Variants in NAALADL2 observed in about 807,000 individuals in gnomAD.
NAALADL2 encodes the protein N-acetylated alpha-linked acidic dipeptidase like 2.
In NAALADL2, 76 loss-of-function variants were observed where a neutral mutation model predicts 87.2. The ratio of observed to expected loss-of-function variants is 0.87; its 90% CI spans 0.72 to 1.05. The LOEUF is 1.05. Among genes scored for constraint, NAALADL2 ranks in the 50% least tolerant of loss-of-function variants. The pLI is 0.00. For synonymous variants in NAALADL2, 354 were observed against 331.0 expected (o/e 1.07, Z -0.75); for missense variants, 1,089 against 945.8 (o/e 1.15, Z -1.99).
chr3:175,680,215 C>T (rs1227451064), intron 11 of NAALADL2, among the ~76,000 whole-genome samples: 1 of 152,152 alleles, frequency 6.6e-6, no homozygotes, highest in African/African-American at 2.4e-5. Context: ...CATTGTTACA[C>T]ATAAAAATAT....
At chr3:175,680,656 T>G (rs577876452) in intron 11 of NAALADL2, among the ~76,000 whole-genome samples, 2 of 152,278 alleles carry the variant, frequency 1.3e-5, no homozygotes, top group South Asian at 2.1e-4. Flanking sequence ...AAACTGAAGT[T>G]AAAAAGGGCT....
chr3:174,783,218 T>C (rs562041210), intron 3 of NAALADL2, among the ~76,000 whole-genome samples: 126 of 152,158 alleles, frequency 8.3e-4, no homozygotes, highest in Non-Finnish European at 1.1e-3. Context: ...ATGGAAAATA[T>C]AGTTTGTGTG....
chr3:174,902,845 A>G (rs1276951292), intron 1 of NAALADL2, among the ~76,000 whole-genome samples: 1 of 152,122 alleles, frequency 6.6e-6, no homozygotes, highest in Non-Finnish European at 1.5e-5. Context: ...GCTTCTGAGA[A>G]ATACATGCTT....
chr3:175,423,698 C>CT (rs1716274230), intron 5 of NAALADL2, among the ~76,000 whole-genome samples: 1 of 152,112 alleles, frequency 6.6e-6, no homozygotes, highest in Non-Finnish European at 1.5e-5. Flanking sequence ...CAAGTCTTTG[C>CT]TATTGTGAAT....
rs566200934 is a variant in NAALADL2, at chr3:174,726,607, C to T, written c.-114-11034C>T. 1.1e-4 allele frequency among the ~76,000 whole-genome samples: 17 copies of T among 152,256 alleles called. No individual in the cohort carries two copies. The South Asian group carries it at 1.5e-3, about 13-fold the overall frequency. The stretch of plus-strand genomic sequence containing the variant: ...CATAGTACTTGGCTTCTTTGCAACA[C>T]TAGATACTATTCTTTCCATCTATTA... On this transcript the variant is annotated intron_variant, in intron 2 of 3. Transcript: ENST00000434257.
intron 10 of NAALADL2, among the ~76,000 whole-genome samples, chr3:175,619,268 G>A (rs868576335): frequency 2.8e-5 from 1 of 35,912 alleles, no homozygotes; most frequent in African/African-American, 1.3e-4. Context: ...AGGAAGGAAG[G>A]AGAAGGAAAG....
chr3:175,477,472 A>G (rs1725851516), intron 9 of NAALADL2, among the ~76,000 whole-genome samples: 2 of 152,046 alleles, frequency 1.3e-5, no homozygotes, highest in Middle Eastern at 3.2e-3. Flanking sequence ...ACACCTGCAT[A>G]TTTTACTTTT....
chr3:175,070,106 T>C (rs1192078780), intron 1 of NAALADL2, among the ~76,000 whole-genome samples: 1 of 150,860 alleles, frequency 6.6e-6, no homozygotes, highest in Non-Finnish European at 1.5e-5. Context: ...GGCACATGTA[T>C]ACATATGTAA....
At position 175,697,822 on chromosome 3, in the gene NAALADL2, CAT is replaced by C. The variant is rs1491587198; in HGVS notation, c.1897-39477_1897-39476del. 3.7e-4 allele frequency among the ~76,000 whole-genome samples: 35 copies of C among 95,008 alleles called. 2 individuals are homozygous for C. Among genetic ancestry groups the C allele is most frequent in the African/African-American group, 8.3e-4 (21 of 25,426 alleles). The allele number at this position is 95,008 out of a possible 152,430, so 62.3% of individuals were successfully genotyped here. A position where few individuals can be genotyped will look rare whatever the true frequency, so the allele number is the denominator to read the frequency against. ...ATGTATATATATTTATGTATGTATA[CAT>C]ATATATGTGTATTTATGTATACATA... On this transcript the variant is annotated intron_variant, in intron 11 of 13. Coordinates refer to ENST00000454872, the MANE Select transcript of NAALADL2 (RefSeq NM_207015.3).
chr3:175,129,436 TA>T (rs749167027), intron 2 of NAALADL2, among the ~76,000 whole-genome samples: 23 of 152,172 alleles, frequency 1.5e-4, no homozygotes, highest in Non-Finnish European at 2.9e-4. Flanking sequence ...ATCTTTTAAC[TA>T]AAAACTTTGT....
At chr3:174,811,169 T>C (rs1720149443) in intron 3 of NAALADL2, among the ~76,000 whole-genome samples, 1 of 151,758 alleles carries the variant, frequency 6.6e-6, no homozygotes, top group East Asian at 1.9e-4. Flanking sequence ...ACTAGGCCAG[T>C]ACAGAAGGGA....
intron 1 of NAALADL2, among the ~76,000 whole-genome samples, chr3:174,988,797 C>A (rs537337590): frequency 2.6e-5 from 4 of 152,238 alleles, no homozygotes; most frequent in East Asian, 3.9e-4. Flanking sequence ...TGCAGTATGA[C>A]CTCATCTTAA....
chr3:175,059,710 A>G, intron 1 of NAALADL2: 1 of 309,666 alleles, frequency 3.2e-6, no homozygotes, highest in South Asian at 3.5e-5. Context: ...CCTCCTCCTT[A>G]TCAGATCCAA....
chr3:175,654,210 C>G (rs1241562114), intron 11 of NAALADL2, among the ~76,000 whole-genome samples: 1 of 152,146 alleles, frequency 6.6e-6, no homozygotes, highest in Admixed American at 6.5e-5. Context: ...TGTTGCTTCT[C>G]TTCCTTACTA....
At chr3:174,525,273 G>A (rs2108425305) in intron 1 of NAALADL2, among the ~76,000 whole-genome samples, 1 of 152,322 alleles carries the variant, frequency 6.6e-6, no homozygotes, top group South Asian at 2.1e-4. Flanking sequence ...ATAAAGGAAT[G>A]CCTGAAGCTA....
rs1373290191 is a variant in NAALADL2, at chr3:175,521,327, AT to A, written c.1653+49571del. ...CTTTGGAATGAATCTTGTAGTTAAT[AT>A]TAATTTGTATATTTCTACAGTTCTC... On this transcript the variant is annotated intron_variant, in intron 9 of 13. Transcript: ENST00000454872. 2.6e-5 allele frequency among the ~76,000 whole-genome samples: 4 copies of A among 152,172 alleles called. No homozygotes were observed. In the East Asian group the frequency reaches 7.7e-4, roughly 29 times the overall value.
chr3:174,661,264 C>T (rs1010562332), intron 2 of NAALADL2, among the ~76,000 whole-genome samples: 1 of 152,102 alleles, frequency 6.6e-6, no homozygotes, highest in African/African-American at 2.4e-5. Context: ...TATTGGCTTC[C>T]ATTCTTAGAA....
intron 1 of NAALADL2, among the ~76,000 whole-genome samples, chr3:175,011,274 GAGAGACAGA>G (rs1560472283): frequency 6.2e-5 from 7 of 113,566 alleles, no homozygotes; most frequent in African/African-American, 2.7e-4. Context: ...GAGAGAGACA[GAGAGACAGA>G]GAGAGAGAGA....
chr3:174,672,174 T>A (rs181264207), intron 2 of NAALADL2, among the ~76,000 whole-genome samples: 27 of 152,218 alleles, frequency 1.8e-4, no homozygotes, highest in African/African-American at 5.3e-4. Context: ...ATTTCAATGT[T>A]TACTTTTTTT....
Sources: gnomAD v4.1 joint callset for allele counts (sites outside exome capture counted in the v4.1 genomes callset) on GRCh38, gnomAD v4.1.1 for gene constraint, MANE v1.5 for transcripts, NCBI Gene and HGNC (gene_info 2026-07-23, HGNC 2026-07-21) for gene names.